ITPA: variants seen among roughly 807,000 people sequenced by gnomAD.
ITPA encodes inosine triphosphate pyrophosphatase.
Under a neutral mutation model 29.6 loss-of-function variants are expected in ITPA, and 29 were observed. The observed-to-expected ratio is 0.98, with a 90% CI of 0.73 to 1.34. The LOEUF is 1.34. ITPA is among the 40% of genes most tolerant of loss of function. The pLI is 0.00. For missense variants in ITPA, 241 were observed against 251.5 expected, an observed-to-expected ratio of 0.96 and a Z score of 0.28; for synonymous variants, 103 against 99.3, an observed-to-expected ratio of 1.04 and a Z score of -0.22.
intron 5 of ITPA, 112 bp from the exon 6 acceptor site, chr20:3,218,405 C>T: frequency 1.3e-6 from 1 of 787,938 alleles, no homozygotes. Context: ...CAATTGAGAC[C>T]TAATTTCCCC....
intron 5 of ITPA, among the ~76,000 whole-genome samples, chr20:3,215,659 G>T (rs983905784): frequency 6.6e-6 from 1 of 152,198 alleles, no homozygotes; most frequent in Non-Finnish European, 1.5e-5. Context: ...GTCACCCACA[G>T]TTGCAAGCCA....
At chr20:3,222,084 G>C (rs1490501714) in intron 7 of ITPA, among the ~76,000 whole-genome samples, 167 bp downstream of exon 7, 1 of 152,226 alleles carries the variant, frequency 6.6e-6, no homozygotes, top group Admixed American at 6.5e-5. Flanking sequence ...TAGGAATCTG[G>C]GTGGCCCAGT....
At chr20:3,218,371 T>G in intron 5 of ITPA, 146 bp from the exon 6 acceptor site, 1 of 702,476 alleles carries the variant, frequency 1.4e-6, no homozygotes, top group Non-Finnish European at 2.6e-6. Flanking sequence ...CCCACTGCCT[T>G]GGGCTCTGCC....
At chr20:3,219,786 C>T (rs1424385161) in intron 6 of ITPA, among the ~76,000 whole-genome samples, 2 of 150,426 alleles carry the variant, frequency 1.3e-5, no homozygotes, top group African/African-American at 4.9e-5. Context: ...GAGGCTCACA[C>T]ATGTAATCCC....
chr20:3,204,466 C>G (rs1444088371), upstream of ITPA: 1 of 1,457,890 alleles, frequency 6.9e-7, no homozygotes, highest in African/African-American at 1.4e-5. Context: ...AGCCGCGGCG[C>G]GACGGTCCAC....
intron 3 of ITPA, 169 bp downstream of exon 3, chr20:3,213,552 C>T: frequency 2.6e-6 from 2 of 769,982 alleles, no homozygotes; most frequent in Non-Finnish European, 4.4e-6. Flanking sequence ...CCTTCCTTTG[C>T]CAGCCTTGAA....
intron 6 of ITPA, among the ~76,000 whole-genome samples, chr20:3,219,996 C>T (rs1600528663): frequency 1.4e-5 from 2 of 143,880 alleles, no homozygotes; most frequent in Admixed American, 7.1e-5. Flanking sequence ...GAGCTATGAT[C>T]GCACTCCTGC....
At chr20:3,215,145 G>T in intron 4 of ITPA, 136 bp from the exon 5 acceptor site, 1 of 819,520 alleles carries the variant, frequency 1.2e-6, no homozygotes, top group South Asian at 1.4e-5. Flanking sequence ...GGGATTATAG[G>T]CGGGACCCAC....
At position 3,218,522 on chromosome 20, in the gene ITPA, C is replaced by T. The variant is rs781245748; in HGVS notation, c.301C>T (p.His101Tyr). Residue 101 changes from histidine to tyrosine, a missense_variant, in exon 6 of 8, where the codon CAC becomes TAC. Coordinates refer to ENST00000380113, the MANE Select transcript of ITPA (RefSeq NM_033453.4). ...CCCTCACTGCCCACCCGCAGGTCTC[C>T]ACCAGCTCCTGGCCGGGTTCGAGGA... is the stretch of plus-strand genomic sequence containing the variant. ...FLEKLKPEGL[H>Y]QLLAGFEDKS... 3 of 1,613,318 alleles carry T rather than the reference C, an allele frequency of 1.9e-6. No individual in the cohort carries two copies. The highest frequency in any genetic ancestry group is 2.5e-6 in the Non-Finnish European group (3 of 1,179,492).
chr20:3,223,400 G>C lies in ITPA; in HGVS notation c.523G>C (p.Val175Leu), dbSNP rs1600541745. 6.2e-7 allele frequency: 1 copy of C among 1,613,788 alleles called. No individual in the cohort carries two copies. The highest frequency in any genetic ancestry group is 8.5e-7 in the Non-Finnish European group (1 of 1,180,010). Reference protein sequence around the residue: ...AEMPKAEKNAVSHRFRALLEL... With the variant: ...AEMPKAEKNALSHRFRALLEL... Reference sequence around the variant, plus strand: ...GATGCCTAAGGCGGAGAAGAACGCTGTCTCCCATCGCTTCCGGGCCCTGCT... The same window carrying C: ...GATGCCTAAGGCGGAGAAGAACGCTCTCTCCCATCGCTTCCGGGCCCTGCT... Residue 175 changes from valine to leucine, a missense_variant, in exon 8 of 8, where the codon GTC becomes CTC. By Grantham distance (32) the Val-to-Leu change is conservative. Transcript: ENST00000380113.
upstream of ITPA, among the ~76,000 whole-genome samples, chr20:3,206,787 C>T (rs563123804): frequency 2.0e-5 from 3 of 150,346 alleles, no homozygotes; most frequent in Admixed American, 1.3e-4. Flanking sequence ...GCTGAGATCG[C>T]GCCACTGCAC....
At chr20:3,210,743 T>C (rs1391623764) in intron 1 of ITPA, among the ~76,000 whole-genome samples, 2 of 152,124 alleles carry the variant, frequency 1.3e-5, no homozygotes, top group Admixed American at 6.6e-5. Flanking sequence ...CTGAGAATAT[T>C]GCCCTCACTT....
intron 7 of ITPA, 99 bp downstream of exon 7, chr20:3,222,016 G>A (rs995402684): frequency 9.5e-5 from 108 of 1,142,716 alleles, no homozygotes; most frequent in Non-Finnish European, 3.2e-5. Context: ...GCGGATATGG[G>A]CAGGGGAGGC....
intron 3 of ITPA, 115 bp from the exon 4 acceptor site, chr20:3,213,869 GC>G: frequency 9.6e-7 from 1 of 1,037,236 alleles, no homozygotes; most frequent in Non-Finnish European, 1.5e-6. Flanking sequence ...GGTGCTGTCT[GC>G]CACAGATCTC....
rs116889555 is a variant in ITPA, at chr20:3,222,800, G to A, written c.489-566G>A. ...CCATATGGGGCTGTGGAGCACTTGC[G>A]TGTGGTGAGACCCAGAAACGGAATA... On this transcript the variant is annotated intron_variant, in intron 7 of 7. Coordinates refer to ENST00000380113, the MANE Select transcript of ITPA (RefSeq NM_033453.4). Among the ~76,000 whole-genome samples, 335 of 152,356 alleles carry A rather than the reference G, an allele frequency of 2.2e-3. 2 individuals carry two copies. The highest frequency in any genetic ancestry group is 6.3e-3 in the Admixed American group (97 of 15,300).
chr20:3,209,430 T>A, upstream of ITPA: 1 of 914,996 alleles, frequency 1.1e-6, no homozygotes, highest in Non-Finnish European at 1.8e-6. This position sits in a 1 kb window ranked among gnomAD's most constrained non-coding sequence, Gnocchi z 4.6. Flanking sequence ...GGGGTCCGGG[T>A]CGGCTTTCCC....
upstream of ITPA, among the ~76,000 whole-genome samples, chr20:3,205,481 G>A (rs2067064344): frequency 6.6e-6 from 1 of 152,102 alleles, no homozygotes; most frequent in East Asian, 1.9e-4. Flanking sequence ...AGTCTAGGTA[G>A]AGGTGAGCCT....
intron 5 of ITPA, among the ~76,000 whole-genome samples, chr20:3,216,139 C>A (rs951317612): frequency 6.8e-6 from 1 of 146,382 alleles, no homozygotes; most frequent in Non-Finnish European, 1.5e-5. Context: ...TACAGGCATG[C>A]GCCAGCACGC....
intron 5 of ITPA, among the ~76,000 whole-genome samples, chr20:3,218,078 C>T (rs924254985): frequency 3.3e-5 from 5 of 151,998 alleles, no homozygotes; most frequent in African/African-American, 7.2e-5. Flanking sequence ...CCACCACGCC[C>T]GGCTAATTTT....
Sources: gnomAD v4.1 joint callset for allele counts (sites outside exome capture counted in the v4.1 genomes callset) on GRCh38, gnomAD v4.1.1 for gene constraint, Gnocchi (gnomAD v3.1) non-coding constraint, MANE v1.5 for transcripts, NCBI Gene and HGNC (gene_info 2026-07-23, HGNC 2026-07-21) for gene names.